RNFT2: variants seen among roughly 807,000 people sequenced by gnomAD.
RNFT2 encodes the protein ring finger protein, transmembrane 2.
RNFT2 carries 36 observed loss-of-function variants against 53.0 expected under a neutral mutation model. That is an observed-to-expected ratio of 0.68 (90% CI 0.52 to 0.90). The LOEUF is 0.90. Ranked by LOEUF, RNFT2 falls within the 40% of genes least tolerant of loss-of-function variation. The pLI is 0.00. For synonymous variants in RNFT2, 260 were observed against 253.2 expected (o/e 1.03, Z -0.26); for missense variants, 514 against 585.6 (o/e 0.88, Z 1.26).
At chr12:116,777,435 G>C (rs1041351081) in intron 6 of RNFT2, among the ~76,000 whole-genome samples, 7 of 152,160 alleles carry the variant, frequency 4.6e-5, no homozygotes, top group Admixed American at 3.9e-4. Context: ...GCCACCTGTT[G>C]TCTGTCTCCA....
intron 10 of RNFT2, among the ~76,000 whole-genome samples, chr12:116,841,946 TAA>T (rs1565876249): frequency 0.012 from 415 of 34,782 alleles, 20 homozygotes; most frequent in Admixed American, 0.023. Flanking sequence ...AATATATATA[TAA>T]ATATATATAT....
intron 7 of RNFT2, among the ~76,000 whole-genome samples, chr12:116,786,521 G>A (rs1401716628): frequency 2.0e-5 from 3 of 150,260 alleles, no homozygotes; most frequent in African/African-American, 7.6e-5. Context: ...AGTGGGTTTG[G>A]GACAAGATAA....
At chr12:116,757,460 G>T (rs1872553313) in intron 5 of RNFT2, among the ~76,000 whole-genome samples, 1 of 151,952 alleles carries the variant, frequency 6.6e-6, no homozygotes, top group African/African-American at 2.4e-5. Context: ...AAGCATTTAG[G>T]GCTATGAGCT....
At chr12:116,829,265 G>T (rs1876508159) in intron 7 of RNFT2, among the ~76,000 whole-genome samples, 1 of 152,232 alleles carries the variant, frequency 6.6e-6, no homozygotes, top group Admixed American at 6.6e-5. Flanking sequence ...CTGTCCATTG[G>T]TCCAGCATCC....
intron 7 of RNFT2, among the ~76,000 whole-genome samples, chr12:116,819,897 CTAG>C (rs1022083366): frequency 9.2e-5 from 14 of 152,112 alleles, no homozygotes; most frequent in Non-Finnish European, 1.9e-4. Flanking sequence ...TTTAAATGTT[CTAG>C]TAGTCACGTT....
intron 7 of RNFT2, among the ~76,000 whole-genome samples, chr12:116,810,959 A>T (rs1478589895): frequency 6.6e-6 from 1 of 152,198 alleles, no homozygotes; most frequent in Admixed American, 6.5e-5. Flanking sequence ...TTGTCCAGAA[A>T]GGTTCCAGAG....
intron 5 of RNFT2, among the ~76,000 whole-genome samples, chr12:116,756,888 A>G (rs1368598019): frequency 1.3e-5 from 2 of 152,088 alleles, no homozygotes; most frequent in Non-Finnish European, 2.9e-5. Flanking sequence ...TTGTGGAATA[A>G]TGTTAAAAAG....
chr12:116,852,529 A>G lies in RNFT2; in HGVS notation c.*3081A>G. 6.4e-7 allele frequency: 1 copy of G among 1,566,012 alleles called. No homozygotes were observed. Among genetic ancestry groups the G allele is most frequent in the Non-Finnish European group, 8.7e-7 (1 of 1,155,958 alleles). On this transcript the variant is annotated 3_prime_UTR_variant, in exon 11 of 11. Transcript: ENST00000257575. ...GAATAATCAAGTGGGAAGGGGAAGC[A>G]GAGGGAAATGGGGCCATGTGAATGC...
Position 116,838,440 on chromosome 12 carries a change from G to A in RNFT2, c.1200+2158G>A, listed in dbSNP as rs114466287. On this transcript the variant is annotated intron_variant, in intron 10 of 10. Transcript: ENST00000257575. ...AGTGGAAGAATTACTGGGTCAGAAGGCACACAGTTTTGACAGTTATTGCTA... is the reference window on the plus strand; with the variant it reads ...AGTGGAAGAATTACTGGGTCAGAAGACACACAGTTTTGACAGTTATTGCTA... Among the ~76,000 whole-genome samples, 536 of 152,196 alleles carry A rather than the reference G, an allele frequency of 3.5e-3. 4 individuals carry two copies. The highest frequency in any genetic ancestry group is 0.012 in the African/African-American group (511 of 41,556).
chr12:116,819,718 C>A (rs1223491415), intron 7 of RNFT2, among the ~76,000 whole-genome samples: 1 of 152,218 alleles, frequency 6.6e-6, no homozygotes, highest in Non-Finnish European at 1.5e-5. Flanking sequence ...TCCTGGCTCG[C>A]CCTTCTCTTG....
chr12:116,790,546 C>A (rs1182939741), intron 7 of RNFT2, among the ~76,000 whole-genome samples: 1 of 152,212 alleles, frequency 6.6e-6, no homozygotes, highest in South Asian at 2.1e-4. Context: ...GTGGGGCCAG[C>A]CTTTCACATG....
chr12:116,762,770 C>A (rs1327201704), intron 5 of RNFT2, among the ~76,000 whole-genome samples: 1 of 151,986 alleles, frequency 6.6e-6, no homozygotes, highest in African/African-American at 2.4e-5. Flanking sequence ...TGCCACCATG[C>A]CTGGCTAATT....
At position 116,821,739 on chromosome 12, in the gene RNFT2, G is replaced by A. The variant is rs550094110; in HGVS notation, c.883-12053G>A. On this transcript the variant is annotated intron_variant, in intron 7 of 10. Transcript: ENST00000257575. ...GAGGGCTTTGAAATGCAGATTCCTG[G>A]CCCTGTGCTAGCTTGCTAGCTTTAG... is the stretch of plus-strand genomic sequence containing the variant. Among the ~76,000 whole-genome samples, 4 of 150,498 alleles carry A rather than the reference G, an allele frequency of 2.7e-5. No homozygotes were observed. The East Asian group carries it at 7.9e-4, about 30-fold the overall frequency.
chr12:116,750,890 TAATATATATATATA>T (rs1566069544), intron 4 of RNFT2, among the ~76,000 whole-genome samples: 388 of 25,200 alleles, frequency 0.015, 14 homozygotes, highest in East Asian at 0.11. Context: ...ATTATATATA[TAATATATATATATA>T]TATATTTTTT....
intron 4 of RNFT2, among the ~76,000 whole-genome samples, chr12:116,753,030 C>T (rs769295475): frequency 4.6e-5 from 7 of 151,988 alleles, no homozygotes; most frequent in African/African-American, 7.2e-5. Flanking sequence ...AATTCAATTC[C>T]GTTCTGCCAT....
chr12:116,819,534 C>T (rs1875885457), intron 7 of RNFT2, among the ~76,000 whole-genome samples: 1 of 152,102 alleles, frequency 6.6e-6, no homozygotes, highest in Admixed American at 6.6e-5. Context: ...GCGGTGATCT[C>T]ATCCGGGCCC....
At chr12:116,806,426 A>ATAGG (rs1875083181) in intron 7 of RNFT2, among the ~76,000 whole-genome samples, 1 of 151,446 alleles carries the variant, frequency 6.6e-6, no homozygotes, top group Non-Finnish European at 1.5e-5. Context: ...AGATAGATAG[A>ATAGG]TAGATTCATC....
chr12:116,813,723 T>C lies in RNFT2; in HGVS notation c.883-20069T>C, dbSNP rs1211588231. Among the ~76,000 whole-genome samples the C allele has an allele frequency of 2.0e-5, 3 of 152,234 alleles. No homozygotes were observed. In the East Asian group the frequency reaches 5.8e-4, roughly 29 times the overall value. On this transcript the variant is annotated intron_variant, in intron 7 of 10. Coordinates refer to ENST00000257575, the MANE Select transcript of RNFT2 (RefSeq NM_001382266.1). Reference sequence around the variant, plus strand: ...AAACACATACGCTGAAGGTAATTAATTCATGAGAATGTTGCAGATATTTCT... The same window carrying C: ...AAACACATACGCTGAAGGTAATTAACTCATGAGAATGTTGCAGATATTTCT...
intron 7 of RNFT2, among the ~76,000 whole-genome samples, chr12:116,789,235 A>AGAGG (rs1874090656): frequency 9.2e-6 from 1 of 108,526 alleles, no homozygotes; most frequent in African/African-American, 3.6e-5. Flanking sequence ...GGAGGAGAGT[A>AGAGG]GATGGATGGG....
Sources: allele counts gnomAD v4.1 joint callset (sites outside exome capture counted in the v4.1 genomes callset), GRCh38; gene constraint gnomAD v4.1.1; transcripts MANE v1.5; gene names NCBI Gene and HGNC (gene_info 2026-07-23, HGNC 2026-07-21).